Variants in DYNC1I1 observed in about 807,000 individuals in gnomAD.
The protein encoded by DYNC1I1 is cytoplasmic dynein 1 intermediate chain 1.
In DYNC1I1, 43 loss-of-function variants were observed where a neutral mutation model predicts 86.6. The ratio of observed to expected loss-of-function variants is 0.50; its 90% confidence interval spans 0.39 to 0.64. DYNC1I1 has a LOEUF of 0.64. Ranked by LOEUF, DYNC1I1 falls within the 30% of genes least tolerant of loss-of-function variation. The pLI is 0.00. For synonymous variants in DYNC1I1, 262 were observed against 283.7 expected (o/e 0.92, Z 0.77); for missense variants, 604 against 788.8 (o/e 0.77, Z 2.81).
chr7:96,034,012 GA>G (rs573467274), intron 12 of DYNC1I1, among the ~76,000 whole-genome samples: 2 of 151,508 alleles, frequency 1.3e-5, no homozygotes, highest in Non-Finnish European at 2.9e-5. Context: ...TTTGTCTCTT[GA>G]AAAAAATAAT....
At chr7:95,886,487 G>A (rs78122291) in intron 6 of DYNC1I1, among the ~76,000 whole-genome samples, 3,689 of 149,150 alleles carry the variant, frequency 0.025, 128 homozygotes, top group African/African-American at 0.077. Context: ...CTCACCAAAA[G>A]AAAAAAAAAA....
chr7:95,966,326 G>A (rs1793011690), intron 6 of DYNC1I1, among the ~76,000 whole-genome samples: 1 of 152,122 alleles, frequency 6.6e-6, no homozygotes. Context: ...TTTACTGATA[G>A]TACAAAGAAA....
At position 95,996,080 on chromosome 7, in the gene DYNC1I1, G is replaced by A. The variant is rs375776300; in HGVS notation, c.969+7G>A. ...ATACGTCTTCCACTGTCAGGTAGGA[G>A]TCAGCGTAGTAAAAATAACTTACAT... On this transcript the variant is annotated splice_region_variant and intron_variant, in intron 10 of 16. Transcript: ENST00000447467. 2.0e-5 allele frequency: 32 copies of A among 1,613,862 alleles called. No individual in the cohort carries two copies. The highest frequency in any genetic ancestry group is 3.3e-5 in the South Asian group (3 of 91,070).
intron 16 of DYNC1I1, among the ~76,000 whole-genome samples, chr7:96,080,846 T>A (rs1381542578): frequency 1.3e-5 from 2 of 151,916 alleles, no homozygotes; most frequent in African/African-American, 4.8e-5. Context: ...CCGTGGCAGG[T>A]GGATCACGAG....
chr7:95,983,236 G>A (rs1222817571), intron 7 of DYNC1I1, among the ~76,000 whole-genome samples: 1 of 152,114 alleles, frequency 6.6e-6, no homozygotes, highest in Admixed American at 6.6e-5. Flanking sequence ...AGTTAATGGG[G>A]TCCTTGGAAA....
chr7:95,883,944 A>G (rs1008551986), intron 6 of DYNC1I1, among the ~76,000 whole-genome samples: 1 of 152,068 alleles, frequency 6.6e-6, no homozygotes, highest in Non-Finnish European at 1.5e-5. Context: ...TTTAATGAAG[A>G]TTTTTTGCAT....
chr7:96,017,090 T>C (rs1794421172), intron 10 of DYNC1I1, among the ~76,000 whole-genome samples: 1 of 152,190 alleles, frequency 6.6e-6, no homozygotes, highest in South Asian at 2.1e-4. Flanking sequence ...CACTTTTTCC[T>C]GTCAAATTGG....
At chr7:95,818,429 A>G in intron 4 of DYNC1I1, 2 of 589,490 alleles carry the variant, frequency 3.4e-6, no homozygotes, top group Admixed American at 2.4e-5. Context: ...AGCTTCCTGC[A>G]TAGCTAGGAG....
intron 6 of DYNC1I1, among the ~76,000 whole-genome samples, chr7:95,910,083 T>C (rs1261069712): frequency 6.6e-6 from 1 of 152,204 alleles, no homozygotes; most frequent in East Asian, 1.9e-4. Context: ...GTCACCCCTA[T>C]AGGGATGCTG....
At chr7:96,001,150 A>G (rs1794001967) in intron 10 of DYNC1I1, among the ~76,000 whole-genome samples, 1 of 152,082 alleles carries the variant, frequency 6.6e-6, no homozygotes, top group Non-Finnish European at 1.5e-5. Flanking sequence ...TTCTCTCCCC[A>G]TCCACTGTGC....
intron 14 of DYNC1I1, among the ~76,000 whole-genome samples, chr7:96,072,321 C>G (rs7796656): frequency 0.25 from 37,610 of 152,054 alleles, 4,936 homozygotes; most frequent in East Asian, 0.34. Flanking sequence ...TTGACATGTA[C>G]CACACGTGCA....
chr7:95,954,996 G>A (rs1792671558), intron 6 of DYNC1I1, among the ~76,000 whole-genome samples: 2 of 148,238 alleles, frequency 1.3e-5, no homozygotes, highest in African/African-American at 5.0e-5. Context: ...AATATCATAT[G>A]TCAGTGCTAT....
At chr7:96,084,050 T>G (rs1241439221) in intron 16 of DYNC1I1, among the ~76,000 whole-genome samples, 1 of 152,166 alleles carries the variant, frequency 6.6e-6, no homozygotes, top group Non-Finnish European at 1.5e-5. Flanking sequence ...TGAGGAGATT[T>G]TTTTTTAGGC....
At chr7:95,928,719 A>G (rs1347204147) in intron 6 of DYNC1I1, among the ~76,000 whole-genome samples, 1 of 152,146 alleles carries the variant, frequency 6.6e-6, no homozygotes. Flanking sequence ...TTTACTGGGA[A>G]ATGATTTCAA....
intron 6 of DYNC1I1, among the ~76,000 whole-genome samples, chr7:95,872,817 C>T (rs753468060): frequency 1.3e-5 from 2 of 152,098 alleles, no homozygotes; most frequent in African/African-American, 2.4e-5. Context: ...GAAAGGAAAA[C>T]GAAATTATGG....
intron 5 of DYNC1I1, among the ~76,000 whole-genome samples, chr7:95,830,589 ATCCAGT>A (rs1795299403): frequency 6.6e-6 from 1 of 152,148 alleles, no homozygotes; most frequent in Admixed American, 6.6e-5. Flanking sequence ...CAGTTTGTTT[ATCCAGT>A]CACTTTTTAT....
At chr7:96,099,775 A>G (rs1224369147), downstream of DYNC1I1, among the ~76,000 whole-genome samples, 1 of 152,196 alleles carries the variant, frequency 6.6e-6, no homozygotes, top group Admixed American at 6.5e-5. Context: ...AGGCTTCAAC[A>G]TATGAATTTG....
At chr7:96,092,746 T>C (rs451) in intron 16 of DYNC1I1, among the ~76,000 whole-genome samples, 29,201 of 152,128 alleles carry the variant, frequency 0.19, 3,138 homozygotes, top group East Asian at 0.38. Context: ...GGTGGGGCTC[T>C]GGGAGGCTAA....
chr7:95,821,297 G>C (rs1795071609), intron 4 of DYNC1I1, among the ~76,000 whole-genome samples: 1 of 152,182 alleles, frequency 6.6e-6, no homozygotes, highest in Non-Finnish European at 1.5e-5. Flanking sequence ...AGGAAATGTT[G>C]CTGTGTAGTT....
Sources: gnomAD v4.1 joint callset for allele counts (sites outside exome capture counted in the v4.1 genomes callset) on GRCh38, gnomAD v4.1.1 for gene constraint, MANE v1.5 for transcripts, NCBI Gene and HGNC (gene_info 2026-07-23, HGNC 2026-07-21) for gene names.